The following RBBP7 variants were observed in gnomAD, a reference collection of about 807,000 sequenced individuals.
RBBP7 encodes RB binding protein 7, chromatin remodeling factor.
Under a neutral mutation model 35.2 loss-of-function variants are expected in RBBP7, and 5 were observed. The observed-to-expected ratio is 0.14, with a 90% CI of 0.07 to 0.30. The LOEUF is 0.30. RBBP7 is among the 10% of genes least tolerant of loss of function. The pLI is 1.00. For missense variants in RBBP7, 155 were observed against 327.5 expected, an observed-to-expected ratio of 0.47 and a Z score of 4.07; for synonymous variants, 140 against 118.7, an observed-to-expected ratio of 1.18 and a Z score of -1.17.
At chrX:16,858,114 A>G (rs758433540) in intron 4 of RBBP7, among the ~76,000 whole-genome samples, 1 of 111,413 alleles carries the variant, frequency 9.0e-6, no homozygotes, top group Non-Finnish European at 1.9e-5. Flanking sequence ...ACTGACTGAT[A>G]AAGTTTTGTA....
Position 16,870,227 on chromosome X carries a change from GCCT to G in RBBP7, c.-177_-175del, listed in dbSNP as rs1223919658. ...CCCAGACGCCGCGTCCTTCTTTCCTGCCTCCTCCCCGCTCGCGGGTACCGAGGT... is the reference window on the plus strand; with the variant it reads ...CCCAGACGCCGCGTCCTTCTTTCCTGCCTCCCCGCTCGCGGGTACCGAGGT... On this transcript the variant is annotated 5_prime_UTR_variant, in exon 1 of 12. Coordinates refer to ENST00000380087, the MANE Select transcript of RBBP7 (RefSeq NM_002893.4). The G allele has an allele frequency of 3.2e-6, 2 of 629,926 alleles. No homozygotes were observed. Among genetic ancestry groups the G allele is most frequent in the Non-Finnish European group, 3.9e-6 (2 of 506,721 alleles). The allele number at this position is 629,926 out of a possible 1,213,427, so 51.9% of individuals were successfully genotyped here. A position where few individuals can be genotyped will look rare whatever the true frequency, so the allele number is the denominator to read the frequency against.
chrX:16,855,764 A>C (rs1282177162), intron 5 of RBBP7, among the ~76,000 whole-genome samples: 2 of 110,438 alleles, frequency 1.8e-5, no homozygotes, highest in Non-Finnish European at 3.8e-5. Flanking sequence ...TGGGAGGCCA[A>C]GGAAGGTGGA....
At chrX:16,866,942 A>G (rs1168341948) in intron 2 of RBBP7, among the ~76,000 whole-genome samples, 2 of 111,942 alleles carry the variant, frequency 1.8e-5, no homozygotes, top group African/African-American at 6.5e-5. Context: ...AAAGAACACC[A>G]TGATACACAT....
intron 1 of RBBP7, 77 bp from the exon 2 acceptor site, chrX:16,869,297 G>A: frequency 9.0e-7 from 1 of 1,108,231 alleles, no homozygotes; most frequent in Non-Finnish European, 1.2e-6. Context: ...ACCTCAAGAT[G>A]GCCACACCTC....
chrX:16,865,848 G>C (rs752848224), intron 2 of RBBP7, among the ~76,000 whole-genome samples: 3 of 112,435 alleles, frequency 2.7e-5, no homozygotes, highest in Admixed American at 1.9e-4. Context: ...ACATTACACA[G>C]TGTATCCATA....
At chrX:16,869,675 G>T in intron 1 of RBBP7, 1 of 1,069,451 alleles carries the variant, frequency 9.4e-7, no homozygotes, top group East Asian at 3.8e-5. Flanking sequence ...CCGGACAAGG[G>T]CCGCGACCCC....
chrX:16,867,447 C>T (rs1028141966), intron 2 of RBBP7, among the ~76,000 whole-genome samples: 5 of 111,670 alleles, frequency 4.5e-5, no homozygotes, highest in African/African-American at 9.8e-5. Flanking sequence ...CTTGAATACC[C>T]GAGTATATGA....
chrX:16,847,617 C>G (rs6629187), intron 10 of RBBP7: 54,341 of 107,922 alleles, frequency 0.5, 10,700 homozygotes, highest in East Asian at 0.85. Flanking sequence ...GTGGTGTGAT[C>G]ATGGCTCACT....
chrX:16,862,129 CG>C (rs1930492130), intron 3 of RBBP7, among the ~76,000 whole-genome samples: 1 of 111,115 alleles, frequency 9.0e-6, no homozygotes, highest in Non-Finnish European at 1.9e-5. Flanking sequence ...AGTTTGCTGC[CG>C]GAAGACACAT....
At chrX:16,868,557 A>T (rs745551818) in intron 2 of RBBP7, among the ~76,000 whole-genome samples, 18 of 112,851 alleles carry the variant, frequency 1.6e-4, no homozygotes, top group African/African-American at 5.8e-4. Flanking sequence ...GAATACTCTT[A>T]TGAAGACTAA....
chrX:16,844,942 A>T lies in RBBP7; in HGVS notation c.*93T>A. On this transcript the variant is annotated 3_prime_UTR_variant, in exon 12 of 12. Transcript: ENST00000380087. ...AAAGAAGCCATAAGCCACCCCACTTACATTTCCTACTATACAATGCCTTTT... is the reference window on the plus strand; with the variant it reads ...AAAGAAGCCATAAGCCACCCCACTTTCATTTCCTACTATACAATGCCTTTT... 1.3e-6 allele frequency: 1 copy of T among 793,886 alleles called. No individual in the cohort carries two copies. The highest frequency in any genetic ancestry group is 1.9e-6 in the Non-Finnish European group (1 of 533,168). 65.4% of individuals were successfully genotyped at this position (793,886 alleles called of 1,213,427 possible). A position where few individuals can be genotyped will look rare whatever the true frequency, so the allele number is the denominator to read the frequency against.
intron 1 of RBBP7, chrX:16,869,713 G>T (rs1930725927): frequency 1.0e-6 from 1 of 993,084 alleles, no homozygotes; most frequent in Admixed American, 5.5e-5. Flanking sequence ...CGCGCGCGTA[G>T]AAAGAGCCGC....
intron 1 of RBBP7, 138 bp downstream of exon 1, chrX:16,869,900 G>A (rs1300847466): frequency 3.8e-6 from 3 of 779,545 alleles, no homozygotes; most frequent in African/African-American, 4.6e-5. Context: ...GGCCCCTCGA[G>A]GCGCGCGCCC....
intron 1 of RBBP7, chrX:16,869,496 G>A: frequency 8.6e-7 from 1 of 1,166,997 alleles, no homozygotes; most frequent in Non-Finnish European, 1.1e-6. Context: ...GTTCGCACCT[G>A]TTCTAAGATG....
intron 8 of RBBP7, 63 bp from the exon 9 acceptor site, chrX:16,852,185 T>G: frequency 3.2e-6 from 3 of 936,966 alleles, no homozygotes; most frequent in Non-Finnish European, 4.6e-6. Context: ...TTGTGGCTGT[T>G]GTTCTAATCT....
intron 1 of RBBP7, chrX:16,869,723 C>T (rs2147533191): frequency 2.0e-6 from 2 of 979,904 alleles, no homozygotes; most frequent in East Asian, 4.2e-5. Flanking sequence ...GAAAGAGCCG[C>T]GGCGCTCGCT....
chrX:16,860,860 C>G (rs1370308700), intron 3 of RBBP7, among the ~76,000 whole-genome samples: 1 of 110,059 alleles, frequency 9.1e-6, no homozygotes, highest in Non-Finnish European at 1.9e-5. Flanking sequence ...GGGCTAAAAG[C>G]CATTTAAAAA....
intron 4 of RBBP7, 71 bp downstream of exon 4, chrX:16,858,605 G>A: frequency 8.6e-7 from 1 of 1,162,507 alleles, no homozygotes; most frequent in Non-Finnish European, 1.1e-6. Flanking sequence ...ATGCTACTTT[G>A]ACCTTAAAAA....
At chrX:16,850,927 T>G (rs1930196872) in intron 9 of RBBP7, among the ~76,000 whole-genome samples, 1 of 111,381 alleles carries the variant, frequency 9.0e-6, no homozygotes. Context: ...GGCAAAGCTC[T>G]GCCTTTATTT....
Sources: gnomAD v4.1 joint callset for allele counts (sites outside exome capture counted in the v4.1 genomes callset) on GRCh38, gnomAD v4.1.1 for gene constraint, MANE v1.5 for transcripts, NCBI Gene and HGNC (gene_info 2026-07-23, HGNC 2026-07-21) for gene names.